Variants in CFAP43 observed in about 807,000 individuals in gnomAD.
CFAP43 encodes cilia and flagella associated protein 43.
Under a neutral mutation model 218.9 loss-of-function variants are expected in CFAP43, and 155 were observed. The observed-to-expected ratio is 0.71, with a 90% CI of 0.62 to 0.81. The LOEUF (loss-of-function observed/expected upper bound fraction) is 0.81, where lower values mean the gene tolerates loss of function less well. Ranked by LOEUF, CFAP43 falls within the 30% of genes least tolerant of loss-of-function variation. The pLI, the probability that CFAP43 is intolerant of heterozygous loss-of-function variation, is 0.00. For missense variants in CFAP43, 1,778 were observed against 1,954.3 expected, an observed-to-expected ratio of 0.91 and a Z score of 1.70; for synonymous variants, 645 against 681.3, an observed-to-expected ratio of 0.95 and a Z score of 0.83.
chr10:104,133,454 G>T lies in CFAP43; in HGVS notation c.4596+166C>A, dbSNP rs919476090. On this transcript the variant is annotated intron_variant, in intron 35 of 37. Transcript: ENST00000357060. Reference sequence around the variant, plus strand: ...AATGGGTCATGAAGAACTGGAGGCTGCAAATGTAAACTGTTGGAAGAAAAA... The same window carrying T: ...AATGGGTCATGAAGAACTGGAGGCTTCAAATGTAAACTGTTGGAAGAAAAA... The T allele has an allele frequency of 1.2e-5, 8 of 683,084 alleles. No individual in the cohort carries two copies. In the African/African-American group the frequency reaches 1.5e-4, roughly 13 times the overall value. The allele number at this position is 683,084 out of a possible 1,614,324, so 42.3% of individuals were successfully genotyped here.
chr10:104,200,367 G>A (rs1469272073), intron 8 of CFAP43, among the ~76,000 whole-genome samples: 7 of 152,008 alleles, frequency 4.6e-5, no homozygotes, highest in African/African-American at 7.3e-5. Flanking sequence ...AGTTCGGTCC[G>A]GGAACAAAGG....
chr10:104,219,328 T>A (rs749799688), intron 3 of CFAP43, among the ~76,000 whole-genome samples: 3 of 151,994 alleles, frequency 2.0e-5, no homozygotes, highest in Non-Finnish European at 2.9e-5. Flanking sequence ...CCATCCCTAC[T>A]CCCACCCTAG....
Position 104,197,922 on chromosome 10 carries a change from C to G in CFAP43, c.1212G>C (p.Met404Ile). 6.3e-7 allele frequency: 1 copy of G among 1,579,058 alleles called. No individual in the cohort carries two copies. Among genetic ancestry groups the G allele is most frequent in the Non-Finnish European group, 8.7e-7 (1 of 1,149,456 alleles). The stretch of plus-strand genomic sequence containing the variant: ...TGTGACACAGTAAAATATTCTTTAC[C>G]ATGAAGTATTGGGTTCCAGGTGTGA... The part of the protein sequence containing the change: ...DFITPGTQYF[M>I]TLTYSGEICV... The change falls in exon 9 of 38, where the codon ATG becomes ATC. Residue 404 changes from methionine (M) to isoleucine (I), a missense_variant and splice_region_variant. Met to Ile is a conservative substitution (Grantham distance 10). This residue lies in a region of CFAP43 where 1,553 missense variants were observed against 1,685.2 expected (regional missense o/e 0.92). Coordinates refer to ENST00000357060, the MANE Select transcript of CFAP43 (RefSeq NM_025145.7).
chr10:104,224,466 T>A (rs1564817997), intron 3 of CFAP43, among the ~76,000 whole-genome samples: 1 of 151,958 alleles, frequency 6.6e-6, no homozygotes, highest in African/African-American at 2.4e-5. Flanking sequence ...AAAGCTGTTT[T>A]AAAAAAATTT....
At chr10:104,227,373 C>CT (rs1376417320) in intron 2 of CFAP43, among the ~76,000 whole-genome samples, 1 of 152,178 alleles carries the variant, frequency 6.6e-6, no homozygotes, top group East Asian at 1.9e-4. Context: ...CAGAAAGACT[C>CT]TATCAATTTA....
In CFAP43 at chr10:104,172,415, C is replaced by T. The variant is rs1263755923; in HGVS notation, c.2581G>A (p.Ala861Thr). 6.2e-7 allele frequency: 1 copy of T among 1,606,932 alleles called. No individual in the cohort carries two copies. The highest frequency in any genetic ancestry group is 1.3e-5 in the African/African-American group (1 of 74,522). The change falls in exon 20 of 38, where the codon GCA becomes ACA. Residue 861 changes from alanine (A) to threonine (T), a missense_variant. Physicochemically the swap from Ala to Thr is moderately conservative, Grantham distance 58. Around this residue, in one of 3 missense-constraint regions of CFAP43, gnomAD observed 1,553 missense variants for 1,685.2 expected, o/e 0.92. Transcript: ENST00000357060. ...TAAATTATACTTTTTCATACCTTTG[C>T]CACTTCTTCCTGACTTTCATCATGA... ...RLHDESQEEV[A>T]KMIKDVEMHN... is the part of the protein sequence containing the mutation.
At chr10:104,221,994 T>C (rs2091194486) in intron 3 of CFAP43, among the ~76,000 whole-genome samples, 1 of 152,214 alleles carries the variant, frequency 6.6e-6, no homozygotes, top group African/African-American at 2.4e-5. Context: ...CATGAGACCA[T>C]TCCCCACCTA....
At chr10:104,141,947 T>C (rs539096750) in intron 33 of CFAP43, among the ~76,000 whole-genome samples, 18 of 152,342 alleles carry the variant, frequency 1.2e-4, no homozygotes, top group African/African-American at 2.2e-4. Flanking sequence ...ATCTGCTTAA[T>C]TTTCCACATG....
chr10:104,179,253 GTAC>G lies in CFAP43; in HGVS notation c.2383-150_2383-148del, dbSNP rs569103501. Reference sequence around the variant, plus strand: ...GTGTACATGAAGTAATACCACTGCAGTACCTTGCTTAAATCTAACTGCTACTAT... The same window carrying G: ...GTGTACATGAAGTAATACCACTGCAGCTTGCTTAAATCTAACTGCTACTAT... On this transcript the variant is annotated intron_variant, in intron 18 of 37. Coordinates refer to ENST00000357060, the MANE Select transcript of CFAP43 (RefSeq NM_025145.7). 7 of 586,884 alleles carry G rather than the reference GTAC, an allele frequency of 1.2e-5. No individual in the cohort carries two copies. In the South Asian group the frequency reaches 2.1e-4, roughly 17 times the overall value. The allele number at this position is 586,884 out of a possible 1,614,324, so 36.4% of individuals were successfully genotyped here. A position where few individuals can be genotyped will look rare whatever the true frequency, so the allele number is the denominator to read the frequency against.
At chr10:104,188,476 C>G in intron 12 of CFAP43, 66 bp from the exon 13 acceptor site, 1 of 1,561,660 alleles carries the variant, frequency 6.4e-7, no homozygotes, top group Non-Finnish European at 8.7e-7. Context: ...TTTTACCTTT[C>G]CAATTAAGAT....
intron 26 of CFAP43, among the ~76,000 whole-genome samples, chr10:104,161,520 C>T (rs886679852): frequency 3.3e-5 from 5 of 152,148 alleles, no homozygotes; most frequent in African/African-American, 1.2e-4. Context: ...AGTATTCCTG[C>T]CTTCAATAGA....
At chr10:104,196,617 A>T (rs1156676401) in intron 10 of CFAP43, among the ~76,000 whole-genome samples, 2 of 152,216 alleles carry the variant, frequency 1.3e-5, no homozygotes, top group Non-Finnish European at 2.9e-5. Flanking sequence ...TTTCAAAAAC[A>T]ACTGCCACCA....
chr10:104,218,204 T>C (rs950110012), intron 3 of CFAP43, among the ~76,000 whole-genome samples: 3 of 151,224 alleles, frequency 2.0e-5, no homozygotes, highest in Non-Finnish European at 2.9e-5. Context: ...AAAAATTAGC[T>C]GGGCGTGGTG....
At chr10:104,163,291 A>G (rs1564740833) in intron 24 of CFAP43, among the ~76,000 whole-genome samples, 1 of 152,176 alleles carries the variant, frequency 6.6e-6, no homozygotes, top group Non-Finnish European at 1.5e-5. Flanking sequence ...ACAATGATAA[A>G]TTCATTTCAA....
chr10:104,174,127 A>C (rs1283267069), intron 19 of CFAP43, among the ~76,000 whole-genome samples: 1 of 152,240 alleles, frequency 6.6e-6, no homozygotes, highest in Non-Finnish European at 1.5e-5. Context: ...AGAACTAAAA[A>C]GAATTCAACA....
chr10:104,223,348 ACT>A (rs1346414618), intron 3 of CFAP43, among the ~76,000 whole-genome samples: 1 of 152,194 alleles, frequency 6.6e-6, no homozygotes, highest in African/African-American at 2.4e-5. Flanking sequence ...CATTTTTGAA[ACT>A]CTGACTTAAA....
intron 1 of CFAP43, among the ~76,000 whole-genome samples, chr10:104,231,943 C>A (rs1036629495): frequency 2.7e-5 from 4 of 149,806 alleles, no homozygotes; most frequent in Admixed American, 6.7e-5. Context: ...GGGTCAGGGT[C>A]GCAGAATAAG....
chr10:104,174,927 C>CA (rs1283720895), intron 19 of CFAP43, among the ~76,000 whole-genome samples: 1 of 151,678 alleles, frequency 6.6e-6, no homozygotes, highest in Middle Eastern at 3.2e-3. Flanking sequence ...AGGTGGCGGG[C>CA]ACCTGTAGTC....
chr10:104,147,074 C>A (rs2088011892), intron 29 of CFAP43, among the ~76,000 whole-genome samples: 1 of 152,004 alleles, frequency 6.6e-6, no homozygotes, highest in African/African-American at 2.4e-5. Context: ...TCTGAATAAA[C>A]AGCATCTGCT....
Sources: gnomAD v4.1 joint callset for allele counts (sites outside exome capture counted in the v4.1 genomes callset) on GRCh38, gnomAD v4.1.1 for gene constraint, gnomAD v4.1.1 regional missense constraint, MANE v1.5 for transcripts, NCBI Gene and HGNC (gene_info 2026-07-23, HGNC 2026-07-21) for gene names.